The following INO80B variants were observed in gnomAD, a reference collection of about 807,000 sequenced individuals.
The protein encoded by INO80B is INO80 complex subunit B, also known as IES2 homolog.
Under a neutral mutation model 31.4 loss-of-function variants are expected in INO80B, and 18 were observed. The ratio of observed to expected loss-of-function variants is 0.57; its 90% CI spans 0.40 to 0.85. INO80B has a LOEUF of 0.85. INO80B is among the 40% of genes least tolerant of loss of function. The pLI, the probability that INO80B is intolerant of heterozygous loss-of-function variation, is 0.00. For missense variants in INO80B, 469 were observed against 475.4 expected (o/e 0.99, Z 0.13); for synonymous variants, 238 against 199.0 (o/e 1.20, Z -1.65).
intron 4 of INO80B, 48 bp downstream of exon 4, chr2:74,456,320 A>G (rs1671698679): frequency 6.3e-7 from 1 of 1,598,806 alleles, no homozygotes; most frequent in African/African-American, 1.3e-5. Context: ...TACAGTATTG[A>G]GAACTCTCCA....
chr2:74,456,666 G>A (rs374458526), intron 4 of INO80B, among the ~76,000 whole-genome samples: 31 of 151,850 alleles, frequency 2.0e-4, no homozygotes, highest in South Asian at 8.3e-4. Flanking sequence ...CAAAGGAGAA[G>A]AAAAAGTGGA....
chr2:74,455,403 C>T lies in INO80B; in HGVS notation c.59-3C>T, dbSNP rs1348098818. The stretch of plus-strand genomic sequence containing the variant: ...ACACTGTCGACAGGCTTTCCTTCCA[C>T]AGGAGAAGCCCTGGAGTTGAGCCTG... On this transcript the variant is annotated splice_polypyrimidine_tract_variant and splice_region_variant and intron_variant, in intron 1 of 4. Transcript: ENST00000233331. 3.1e-6 allele frequency: 5 copies of T among 1,614,130 alleles called. No homozygotes were observed. The East Asian group carries it at 1.1e-4, about 36-fold the overall frequency.
In INO80B at chr2:74,457,546, G is replaced by A; in HGVS notation, c.753G>A (p.Arg251=). The change falls in exon 5 of 5, where the codon CGG becomes CGA. Residue 251 remains arginine (R), a synonymous_variant. Coordinates refer to ENST00000233331, the MANE Select transcript of INO80B (RefSeq NM_031288.4). The part of the protein sequence containing the change: ...RLTKTAATSG[R]GGRGGARGER... The stretch of plus-strand genomic sequence containing the variant: ...CCAAGACTGCGGCGACCAGTGGGCG[G>A]GGAGGCCGGGGGGGCGCACGGGGCG... The A allele has an allele frequency of 6.6e-7, 1 of 1,520,506 alleles. No individual in the cohort carries two copies. Among genetic ancestry groups the A allele is most frequent in the South Asian group, 1.2e-5 (1 of 81,216 alleles). 94.2% of individuals were successfully genotyped at this position (1,520,506 alleles called of 1,614,324 possible).
intron 2 of INO80B, 31 bp downstream of exon 2, chr2:74,455,629 G>A (rs548423281): frequency 3.2e-6 from 5 of 1,571,960 alleles, no homozygotes; most frequent in Admixed American, 3.9e-5. Context: ...GTTTTATAAG[G>A]GGAACTTTAG....
Position 74,457,671 on chromosome 2 carries a change from C to T in INO80B, c.878C>T (p.Pro293Leu). Residue 293 changes from proline to leucine, a missense_variant, in exon 5 of 5, where the codon CCC becomes CTC. Around this residue, in one of 3 missense-constraint regions of INO80B, gnomAD observed 201 missense variants for 151.7 expected, o/e 1.32. Coordinates refer to ENST00000233331, the MANE Select transcript of INO80B (RefSeq NM_031288.4). ...TLSFPPGVPA[P>L]TAVSQRPSPS... ...TCCTTCCCACCTGGCGTCCCCGCCC[C>T]CACGGCAGTGTCTCAGCGGCCATCC... 1 of 1,600,010 alleles carries T rather than the reference C, an allele frequency of 6.2e-7. No homozygotes were observed. Among genetic ancestry groups the T allele is most frequent in the Non-Finnish European group, 8.5e-7 (1 of 1,178,840 alleles).
At chr2:74,456,338 C>G (rs779097741) in intron 4 of INO80B, 66 bp downstream of exon 4, 1 of 1,547,068 alleles carries the variant, frequency 6.5e-7, no homozygotes, top group African/African-American at 1.4e-5. Context: ...CCACGACCCA[C>G]GCACTTTGCG....
rs764102925 is a variant in INO80B, at chr2:74,456,286, T to C, written c.540+14T>C. On this transcript the variant is annotated intron_variant, in intron 4 of 4. Coordinates refer to ENST00000233331, the MANE Select transcript of INO80B (RefSeq NM_031288.4). ...ACTGCTCGACAGGTATGTTGGTTCA[T>C]TGTTTATTCACTCACCAAATGTATA... The C allele has an allele frequency of 4.3e-6, 7 of 1,613,708 alleles. No homozygotes were observed. The highest frequency in any genetic ancestry group is 1.1e-5 in the South Asian group (1 of 91,076).
At chr2:74,456,704 A>G (rs1671715222) in intron 4 of INO80B, among the ~76,000 whole-genome samples, 1 of 152,252 alleles carries the variant, frequency 6.6e-6, no homozygotes, top group Non-Finnish European at 1.5e-5. Flanking sequence ...GTACGCAGAG[A>G]AGTGACATAC....
rs1366797930 is a variant in INO80B at position 74,456,236 on chromosome 2, G to A, written c.504G>A (p.Lys168=). 1.1e-5 allele frequency: 17 copies of A among 1,614,194 alleles called. No individual in the cohort carries two copies. Among genetic ancestry groups the A allele is most frequent in the Non-Finnish European group, 1.4e-5 (16 of 1,180,034 alleles). The change falls in exon 4 of 5, where the codon AAG becomes AAA. Residue 168 remains lysine, a synonymous_variant. Coordinates refer to ENST00000233331, the MANE Select transcript of INO80B (RefSeq NM_031288.4). ...AGCTGGATGACAATGGAGACCTCAA[G>A]AAGGAGATCAATGAGCGGCTGCTTA... is the stretch of plus-strand genomic sequence containing the variant. ...KGELDDNGDL[K]KEINERLLTA... is the part of the protein sequence containing the mutation.
rs761831658 is a variant in INO80B, at chr2:74,457,492, G to T, written c.699G>T (p.Glu233Asp). 22 of 1,550,046 alleles carry T rather than the reference G, an allele frequency of 1.4e-5. No individual in the cohort carries two copies. The highest frequency in any genetic ancestry group is 1.7e-4 in the Middle Eastern group (1 of 5,998). Residue 233 changes from glutamate to aspartate, a missense_variant, in exon 5 of 5, where the codon GAG (glutamate) becomes GAT (aspartate). By Grantham distance (45) the Glu-to-Asp change is conservative. This residue lies in a region of INO80B where 45 missense variants were observed against 70.3 expected (regional missense o/e 0.64). Transcript: ENST00000233331. ...TCCAGGCGGCGCGGCGGGCAGAAGA[G>T]CACAAGAACCAGACTATCGAGCGCC... Reference protein sequence around the residue: ...RRLQAARRAEEHKNQTIERLT... With the variant: ...RRLQAARRAEDHKNQTIERLT...
chr2:74,457,537 C>G lies in INO80B; in HGVS notation c.744C>G (p.Thr248=). The G allele has an allele frequency of 6.6e-7, 1 of 1,525,908 alleles. No homozygotes were observed. The highest frequency in any genetic ancestry group is 1.4e-5 in the African/African-American group (1 of 71,300). The allele number at this position is 1,525,908 out of a possible 1,614,324, so 94.5% of individuals were successfully genotyped here. A position where few individuals can be genotyped will look rare whatever the true frequency, so the allele number is the denominator to read the frequency against. ...AGCGCCTCACCAAGACTGCGGCGAC[C>G]AGTGGGCGGGGAGGCCGGGGGGGCG... ...TIERLTKTAA[T]SGRGGRGGAR... The change falls in exon 5 of 5, where the codon ACC becomes ACG. Residue 248 remains threonine (T), a synonymous_variant. Transcript: ENST00000233331.
chr2:74,455,996 T>G (rs1422876671), intron 3 of INO80B, 60 bp downstream of exon 3: 1 of 1,552,614 alleles, frequency 6.4e-7, no homozygotes, highest in South Asian at 1.1e-5. Flanking sequence ...AGAAAGAAGG[T>G]TGGTTCTGAA....
rs1310696209 is a variant in INO80B at position 74,457,635 on chromosome 2, G to T, written c.842G>T (p.Gly281Val). The T allele has an allele frequency of 3.8e-6, 6 of 1,597,054 alleles. No individual in the cohort carries two copies. Among genetic ancestry groups the T allele is most frequent in the Non-Finnish European group, 4.2e-6 (5 of 1,177,594 alleles). The change falls in exon 5 of 5, where the codon GGT becomes GTT. Residue 281 changes from glycine to valine, a missense_variant. Gly to Val is a moderately radical substitution (Grantham distance 109). Transcript: ENST00000233331. ...GTGCGCTACTGCAGCGGAGCACAGG[G>T]TTCCACCCTTTCCTTCCCACCTGGC... is the stretch of plus-strand genomic sequence containing the variant. ...PMVRYCSGAQ[G>V]STLSFPPGVP...
rs750226808 is a variant in INO80B at position 74,455,145 on chromosome 2, C to T, written c.29C>T (p.Thr10Ile). The change falls in exon 1 of 5, where the codon ACC (threonine) becomes ATC (isoleucine). Residue 10 changes from threonine to isoleucine, a missense_variant. Around this residue, in one of 3 missense-constraint regions of INO80B, gnomAD observed 223 missense variants for 253.4 expected, o/e 0.88. Transcript: ENST00000233331. The part of the protein sequence containing the change: MSKLWRRGS[T>I]SGAMEAPEPG... ...AGTAAGCTGTGGCGGCGTGGGAGCA[C>T]CTCTGGGGCTATGGAGGCCCCTGAG... The T allele has an allele frequency of 6.2e-6, 10 of 1,614,104 alleles. No individual in the cohort carries two copies. The highest frequency in any genetic ancestry group is 1.1e-5 in the South Asian group (1 of 91,094).
chr2:74,455,215 A>T, intron 1 of INO80B, 41 bp downstream of exon 1: 2 of 1,608,664 alleles, frequency 1.2e-6, no homozygotes, highest in Non-Finnish European at 1.7e-6. Context: ...CGTGTTAGAA[A>T]AGAAGTCCCG....
At chr2:74,456,318 T>C in intron 4 of INO80B, 46 bp downstream of exon 4, 1 of 1,601,990 alleles carries the variant, frequency 6.2e-7, no homozygotes. Context: ...TATACAGTAT[T>C]GAGAACTCTC....
chr2:74,457,818 G>T lies in INO80B; in HGVS notation c.1025G>T (p.Arg342Leu). The T allele has an allele frequency of 6.3e-7, 1 of 1,586,368 alleles. No homozygotes were observed. The highest frequency in any genetic ancestry group is 8.5e-7 in the Non-Finnish European group (1 of 1,173,710). ...TGCTACCGCATCAACCTGCAGATGC[G>T]GCTGGGGGGGCCCGAGGGTCCTGGA... ...LQCYRINLQM[R>L]LGGPEGPGSP... Residue 342 changes from arginine (R) to leucine (L), a missense_variant, in exon 5 of 5, where the codon CGG (arginine) becomes CTG (leucine). Around this residue, in one of 3 missense-constraint regions of INO80B, gnomAD observed 201 missense variants for 151.7 expected, o/e 1.32. Transcript: ENST00000233331.
At position 74,457,824 on chromosome 2, in the gene INO80B, G is replaced by C. The variant is rs1041548163; in HGVS notation, c.1031G>C (p.Gly344Ala). ...CYRINLQMRL[G>A]GPEGPGSPLL... Reference sequence around the variant, plus strand: ...CGCATCAACCTGCAGATGCGGCTGGGGGGGCCCGAGGGTCCTGGATCCCCC... The same window carrying C: ...CGCATCAACCTGCAGATGCGGCTGGCGGGGCCCGAGGGTCCTGGATCCCCC... Residue 344 changes from glycine (G) to alanine (A), a missense_variant, in exon 5 of 5, where the codon GGG (glycine) becomes GCG (alanine). By Grantham distance (60) the Gly-to-Ala change is moderately conservative. This residue lies in a region of INO80B where 201 missense variants were observed against 151.7 expected (regional missense o/e 1.32). Coordinates refer to ENST00000233331, the MANE Select transcript of INO80B (RefSeq NM_031288.4). 2.5e-6 allele frequency: 4 copies of C among 1,581,766 alleles called. No individual in the cohort carries two copies. Among genetic ancestry groups the C allele is most frequent in the South Asian group, 1.1e-5 (1 of 88,944 alleles).
Position 74,457,913 on chromosome 2 carries a change from T to C in INO80B, c.*49T>C. 6.8e-7 allele frequency: 1 copy of C among 1,468,948 alleles called. No homozygotes were observed. The highest frequency in any genetic ancestry group is 9.0e-7 in the Non-Finnish European group (1 of 1,106,310). 91.0% of individuals were successfully genotyped at this position (1,468,948 alleles called of 1,614,324 possible). ...CCCGTCCCATGCCCGCTCTTGAGTATCTTCCCCACCCTATTAAATTACATC... is the reference window on the plus strand; with the variant it reads ...CCCGTCCCATGCCCGCTCTTGAGTACCTTCCCCACCCTATTAAATTACATC... On this transcript the variant is annotated 3_prime_UTR_variant, in exon 5 of 5. Transcript: ENST00000233331.
Sources: gnomAD v4.1 joint callset for allele counts (sites outside exome capture counted in the v4.1 genomes callset) on GRCh38, gnomAD v4.1.1 for gene constraint, gnomAD v4.1.1 regional missense constraint, MANE v1.5 for transcripts, NCBI Gene and HGNC (gene_info 2026-07-23, HGNC 2026-07-21) for gene names.